Variants in NUS1 observed in about 807,000 individuals in gnomAD.
NUS1 encodes the protein dehydrodolichyl diphosphate synthase complex subunit NUS1.
For missense variants in NUS1, 292 were observed against 382.9 expected (o/e 0.76, Z 1.98); for synonymous variants, 135 against 155.2 (o/e 0.87, Z 0.97).
At position 117,710,406 on chromosome 6, in the gene NUS1, T is replaced by C. The variant is rs968127150; in HGVS notation, c.*3391T>C. 5 of 152,008 alleles carry C rather than the reference T, an allele frequency of 3.3e-5. No homozygotes were observed. The highest frequency in any genetic ancestry group is 9.7e-5 in the African/African-American group (4 of 41,420). 9.4% of individuals were successfully genotyped at this position (152,008 alleles called of 1,614,324 possible). A position where few individuals can be genotyped will look rare whatever the true frequency, so the allele number is the denominator to read the frequency against. ...AGCAGTTCTCCAAGATCCTAACTGG[T>C]GGGACATAAACTATGATGCAATGGA... On this transcript the variant is annotated 3_prime_UTR_variant, in exon 5 of 5. Coordinates refer to ENST00000368494, the MANE Select transcript of NUS1 (RefSeq NM_138459.5).
chr6:117,698,169 A>G (rs912143048), intron 3 of NUS1, among the ~76,000 whole-genome samples: 1 of 152,112 alleles, frequency 6.6e-6, no homozygotes, highest in African/African-American at 2.4e-5. Flanking sequence ...ACTAACAGGA[A>G]AGTTTAAAAG....
intron 4 of NUS1, among the ~76,000 whole-genome samples, chr6:117,704,500 GGAT>G (rs1459396101): frequency 1.3e-5 from 2 of 152,120 alleles, no homozygotes; most frequent in Non-Finnish European, 2.9e-5. Context: ...AAACAACCAT[GGAT>G]GATATGTAAA....
intron 1 of NUS1, among the ~76,000 whole-genome samples, chr6:117,682,303 A>G (rs1205852162): frequency 1.3e-5 from 2 of 152,134 alleles, no homozygotes; most frequent in Non-Finnish European, 2.9e-5. Context: ...GGATCTGTGT[A>G]TTAAAGTAAA....
chr6:117,706,909 C>G lies in NUS1; in HGVS notation c.792-16C>G. ...GTATATCTAATTGCTTTTCTCCCCC[C>G]GTGTTTTCTTTTCAGCTCTTTGCCT... On this transcript the variant is annotated splice_polypyrimidine_tract_variant and intron_variant, in intron 4 of 4. Transcript: ENST00000368494. 6.2e-7 allele frequency: 1 copy of G among 1,605,082 alleles called. No individual in the cohort carries two copies. Among genetic ancestry groups the G allele is most frequent in the Non-Finnish European group, 8.5e-7 (1 of 1,172,290 alleles).
chr6:117,675,697 G>C lies in NUS1; in HGVS notation c.27G>C (p.Trp9Cys). The C allele has an allele frequency of 6.6e-7, 1 of 1,508,288 alleles. No homozygotes were observed. The highest frequency in any genetic ancestry group is 1.9e-5 in the Admixed American group (1 of 51,916). The allele number at this position is 1,508,288 out of a possible 1,614,324, so 93.4% of individuals were successfully genotyped here. A position where few individuals can be genotyped will look rare whatever the true frequency, so the allele number is the denominator to read the frequency against. Reference sequence around the variant, plus strand: ...TGACGGGGCTGTACGAGCTGGTGTGGCGGGTGCTGCACGCGCTGCTCTGTC... The same window carrying C: ...TGACGGGGCTGTACGAGCTGGTGTGCCGGGTGCTGCACGCGCTGCTCTGTC... MTGLYELV[W>C]RVLHALLCLH... Residue 9 changes from tryptophan (W) to cysteine (C), a missense_variant, in exon 1 of 5, where the codon TGG (tryptophan) becomes TGC (cysteine). Trp to Cys is a radical substitution (Grantham distance 215). Coordinates refer to ENST00000368494, the MANE Select transcript of NUS1 (RefSeq NM_138459.5).
Position 117,692,242 on chromosome 6 carries a change from A to G in NUS1, c.416-800A>G, listed in dbSNP as rs1247170046. 9.2e-5 allele frequency among the ~76,000 whole-genome samples: 14 copies of G among 152,212 alleles called. No individual in the cohort carries two copies. The South Asian group carries it at 2.5e-3, about 27-fold the overall frequency. On this transcript the variant is annotated intron_variant, in intron 1 of 4. Transcript: ENST00000368494. ...TCTCTCCCAGTTATTTTGTTAAACT[A>G]CTTTAAAGTCATGCCTGACTGAGAG...
chr6:117,699,123 T>G (rs1307654716), intron 3 of NUS1, among the ~76,000 whole-genome samples: 1 of 152,190 alleles, frequency 6.6e-6, no homozygotes, highest in Non-Finnish European at 1.5e-5. Flanking sequence ...CCACTGTTAT[T>G]TAGCATAGCA....
chr6:117,681,619 A>G (rs1773063002), intron 1 of NUS1, among the ~76,000 whole-genome samples: 1 of 152,234 alleles, frequency 6.6e-6, no homozygotes, highest in Non-Finnish European at 1.5e-5. Context: ...AAATGTTGAA[A>G]GTCTAAATAT....
At position 117,709,967 on chromosome 6, in the gene NUS1, A is replaced by G. The variant is rs1171723746; in HGVS notation, c.*2952A>G. The stretch of plus-strand genomic sequence containing the variant: ...TATATTCTCACTTTTACCAGGTTAA[A>G]CATTTGGAATCTTATAATGTTACTT... On this transcript the variant is annotated 3_prime_UTR_variant, in exon 5 of 5. Coordinates refer to ENST00000368494, the MANE Select transcript of NUS1 (RefSeq NM_138459.5). The G allele has an allele frequency of 1.3e-5, 2 of 152,314 alleles. No homozygotes were observed. Among genetic ancestry groups the G allele is most frequent in the African/African-American group, 4.8e-5 (2 of 41,444 alleles). 9.4% of individuals were successfully genotyped at this position (152,314 alleles called of 1,614,324 possible).
rs1328472235 is a variant in NUS1, at chr6:117,676,186, C to T, written c.415+101C>T. On this transcript the variant is annotated intron_variant, in intron 1 of 4. Transcript: ENST00000368494. Reference sequence around the variant, plus strand: ...CATGGCACGAGTTGCCGCGGCCTCTCTGCAAATCACAGCGCTAGCGCTTTC... The same window carrying T: ...CATGGCACGAGTTGCCGCGGCCTCTTTGCAAATCACAGCGCTAGCGCTTTC... 4.6e-6 allele frequency: 7 copies of T among 1,518,482 alleles called. No individual in the cohort carries two copies. The South Asian group carries it at 6.2e-5, about 13-fold the overall frequency. The allele number at this position is 1,518,482 out of a possible 1,614,324, so 94.1% of individuals were successfully genotyped here.
intron 3 of NUS1, among the ~76,000 whole-genome samples, chr6:117,699,843 G>A (rs918115712): frequency 6.6e-6 from 1 of 151,832 alleles, no homozygotes; most frequent in African/African-American, 2.4e-5. Context: ...ACAATCTAGA[G>A]ACAAATGCAT....
intron 3 of NUS1, among the ~76,000 whole-genome samples, chr6:117,702,969 C>T (rs886744808): frequency 6.6e-6 from 1 of 152,054 alleles, no homozygotes; most frequent in Non-Finnish European, 1.5e-5. Context: ...CAAGTCAGGT[C>T]TCATATGGAA....
intron 3 of NUS1, among the ~76,000 whole-genome samples, chr6:117,700,561 A>G (rs1038673168): frequency 1.3e-5 from 2 of 152,218 alleles, no homozygotes; most frequent in Non-Finnish European, 2.9e-5. Flanking sequence ...TGTGGAGAAC[A>G]GTTTGGAGGT....
chr6:117,706,853 C>G (rs2114695877), intron 4 of NUS1, 72 bp from the exon 5 acceptor site: 1 of 1,216,760 alleles, frequency 8.2e-7, no homozygotes, highest in East Asian at 2.4e-5. Context: ...CTTTTTGGTC[C>G]TTATCTTCTG....
At chr6:117,693,422 A>G (rs1773270754) in intron 2 of NUS1, among the ~76,000 whole-genome samples, 2 of 152,152 alleles carry the variant, frequency 1.3e-5, no homozygotes, top group Admixed American at 1.3e-4. Context: ...ACATTTGTAG[A>G]GATATTGAAA....
chr6:117,700,039 C>G (rs1773384278), intron 3 of NUS1, among the ~76,000 whole-genome samples: 1 of 152,154 alleles, frequency 6.6e-6, no homozygotes, highest in Non-Finnish European at 1.5e-5. Flanking sequence ...TCTAAGATCT[C>G]AAACTAAGCA....
At chr6:117,699,885 G>A (rs563300829) in intron 3 of NUS1, among the ~76,000 whole-genome samples, 2 of 152,104 alleles carry the variant, frequency 1.3e-5, no homozygotes, top group Non-Finnish European at 2.9e-5. Flanking sequence ...TTTGACAAAG[G>A]TGCCCAGAAC....
chr6:117,697,734 CT>C (rs1014973220), intron 3 of NUS1, among the ~76,000 whole-genome samples: 59 of 152,048 alleles, frequency 3.9e-4, no homozygotes, highest in African/African-American at 1.4e-3. Context: ...CAACACCCCA[CT>C]TTCAACACTA....
At chr6:117,704,880 T>A (rs17079416) in intron 4 of NUS1, among the ~76,000 whole-genome samples, 8,029 of 152,264 alleles carry the variant, frequency 0.053, 221 homozygotes, top group Middle Eastern at 0.12. Flanking sequence ...TTTGGATGGA[T>A]ACACTTAGTG....
Sources: gnomAD v4.1 joint callset for allele counts (sites outside exome capture counted in the v4.1 genomes callset) on GRCh38, gnomAD v4.1.1 for gene constraint, MANE v1.5 for transcripts, NCBI Gene and HGNC (gene_info 2026-07-23, HGNC 2026-07-21) for gene names.